KAT7: variants seen among roughly 807,000 people sequenced by gnomAD.
KAT7 encodes histone acetyltransferase KAT7.
Under a neutral mutation model 82.1 loss-of-function variants are expected in KAT7, and 10 were observed. The ratio of observed to expected loss-of-function variants is 0.12; its 90% CI spans 0.08 to 0.21. The LOEUF (loss-of-function observed/expected upper bound fraction) is 0.21. Ranked by LOEUF, KAT7 falls within the 10% of genes least tolerant of loss-of-function variation. The pLI is 1.00. For synonymous variants in KAT7, 250 were observed against 262.5 expected, an observed-to-expected ratio of 0.95 and a Z score of 0.46; for missense variants, 378 against 760.9, an observed-to-expected ratio of 0.50 and a Z score of 5.92.
At chr17:49,805,675 T>G (rs2074082824) in intron 5 of KAT7, among the ~76,000 whole-genome samples, 1 of 152,236 alleles carries the variant, frequency 6.6e-6, no homozygotes, top group South Asian at 2.1e-4. Flanking sequence ...ACAAGGAGAT[T>G]ATGAAACGTT....
At chr17:49,791,467 G>A (rs1446833871) in intron 1 of KAT7, among the ~76,000 whole-genome samples, 1 of 152,166 alleles carries the variant, frequency 6.6e-6, no homozygotes, top group East Asian at 1.9e-4. Flanking sequence ...AGACCAGCCT[G>A]GCCAACATAG....
intron 2 of KAT7, among the ~76,000 whole-genome samples, chr17:49,792,333 C>T (rs1277019651): frequency 6.6e-6 from 1 of 152,052 alleles, no homozygotes; most frequent in Non-Finnish European, 1.5e-5. Context: ...CGCAGTGTCT[C>T]CATCAGTAAA....
intron 4 of KAT7, among the ~76,000 whole-genome samples, chr17:49,802,505 T>G (rs2074037063): frequency 6.6e-6 from 1 of 151,968 alleles, no homozygotes; most frequent in African/African-American, 2.4e-5. Flanking sequence ...CCATCTCTAT[T>G]AAAAATACAA....
At chr17:49,808,264 T>C (rs779708807) in intron 5 of KAT7, among the ~76,000 whole-genome samples, 3 of 150,550 alleles carry the variant, frequency 2.0e-5, no homozygotes, top group Non-Finnish European at 3.0e-5. Context: ...GGATTACAGG[T>C]GTGCGCCACC....
intron 5 of KAT7, among the ~76,000 whole-genome samples, chr17:49,807,616 A>T (rs2074107587): frequency 6.6e-6 from 1 of 152,178 alleles, no homozygotes; most frequent in Admixed American, 6.5e-5. Context: ...ACGCTTTTGA[A>T]AACTGAAGAC....
At chr17:49,806,378 A>G (rs919596020) in intron 5 of KAT7, among the ~76,000 whole-genome samples, 2 of 152,190 alleles carry the variant, frequency 1.3e-5, no homozygotes, top group Non-Finnish European at 2.9e-5. Flanking sequence ...CCGTGCTTAT[A>G]TGGATTTTAA....
intron 9 of KAT7, among the ~76,000 whole-genome samples, chr17:49,820,747 CTTTTTTTTTT>C (rs776024422): frequency 1.0e-5 from 1 of 99,094 alleles, no homozygotes; most frequent in South Asian, 3.1e-4. Context: ...GGCTGCTTGC[CTTTTTTTTTT>C]TTTTTTTTTT....
At chr17:49,814,956 T>G (rs2074215867) in intron 7 of KAT7, 1 of 152,206 alleles carries the variant, frequency 6.6e-6, no homozygotes, top group Non-Finnish European at 1.5e-5. Context: ...TATCTCCTAT[T>G]CTCTGGATGG....
intron 4 of KAT7, among the ~76,000 whole-genome samples, chr17:49,800,121 C>T (rs553810046): frequency 6.7e-6 from 1 of 149,238 alleles, no homozygotes. Flanking sequence ...ACACCATTCT[C>T]CTGCCTCAGC....
rs771347169 is a variant in KAT7, at chr17:49,821,385, G to A, written c.1204G>A (p.Gly402Ser). The A allele has an allele frequency of 2.9e-5, 47 of 1,613,688 alleles. No homozygotes were observed. The highest frequency in any genetic ancestry group is 3.8e-5 in the Non-Finnish European group (45 of 1,179,988). Residue 402 changes from glycine (G) to serine (S), a missense_variant, in exon 10 of 15, where the codon GGT becomes AGT. By Grantham distance (56) the Gly-to-Ser change is moderately conservative. Around this residue, in one of 6 missense-constraint regions of KAT7, gnomAD observed 37 missense variants for 98.6 expected, o/e 0.38. Transcript: ENST00000259021. ...HPPGDEIYRK[G>S]SISVFEVDGK... Reference sequence around the variant, plus strand: ...ACCTGGTGATGAGATATATCGCAAAGGTTCAATCTCTGTGTTTGAAGTGGA... The same window carrying A: ...ACCTGGTGATGAGATATATCGCAAAAGTTCAATCTCTGTGTTTGAAGTGGA...
rs2074417930 is a variant in KAT7, at chr17:49,830,650, A to G, written c.*3148A>G. The stretch of plus-strand genomic sequence containing the variant: ...CTGTACCTTCATACTGCCTCATTTG[A>G]CCCTCATATTAGCCCTGTACAGTAG... On this transcript the variant is annotated 3_prime_UTR_variant, in exon 15 of 15. Coordinates refer to ENST00000259021, the MANE Select transcript of KAT7 (RefSeq NM_007067.5). 1 of 152,048 alleles carries G rather than the reference A, an allele frequency of 6.6e-6. No homozygotes were observed. The highest frequency in any genetic ancestry group is 2.4e-5 in the African/African-American group (1 of 41,380). The allele number at this position is 152,048 out of a possible 1,614,324, so 9.4% of individuals were successfully genotyped here.
At position 49,826,746 on chromosome 17, in the gene KAT7, G is replaced by T. The variant is rs1356271721; in HGVS notation, c.1681G>T (p.Ala561Ser). The T allele has an allele frequency of 1.2e-6, 2 of 1,612,516 alleles. No homozygotes were observed. The highest frequency in any genetic ancestry group is 3.3e-5 in the Admixed American group (2 of 60,018). ...NPVDIVSTLQALQMLKYWKGK... is the reference protein window; with the variant it reads ...NPVDIVSTLQSLQMLKYWKGK... ...TGTGGACATTGTCAGCACTCTGCAA[G>T]CCCTTCAGATGCTCAAATACTGGAA... is the stretch of plus-strand genomic sequence containing the variant. Residue 561 changes from alanine (A) to serine (S), a missense_variant, in exon 14 of 15, where the codon GCC becomes TCC. Transcript: ENST00000259021.
chr17:49,824,012 C>T (rs1019943618), intron 12 of KAT7, among the ~76,000 whole-genome samples: 1 of 152,124 alleles, frequency 6.6e-6, no homozygotes, highest in Non-Finnish European at 1.5e-5. Context: ...AGGTAGCTTT[C>T]TTCAGGTGAA....
chr17:49,796,362 C>T (rs1340574994), intron 2 of KAT7, among the ~76,000 whole-genome samples: 1 of 152,192 alleles, frequency 6.6e-6, no homozygotes, highest in East Asian at 1.9e-4. Flanking sequence ...ATGTTAAGTG[C>T]TTCACATGCA....
intron 6 of KAT7, among the ~76,000 whole-genome samples, chr17:49,809,853 C>T (rs2074139645): frequency 1.3e-5 from 2 of 152,130 alleles, no homozygotes; most frequent in South Asian, 4.1e-4. Context: ...TTCCCAAATT[C>T]TCTCCCACCG....
At chr17:49,806,025 G>A (rs1430304776) in intron 5 of KAT7, among the ~76,000 whole-genome samples, 6 of 152,182 alleles carry the variant, frequency 3.9e-5, no homozygotes, top group Admixed American at 6.5e-5. Flanking sequence ...CCATTTGTGC[G>A]TTCTTGTGTG....
At chr17:49,801,412 T>C (rs2074023277) in intron 4 of KAT7, among the ~76,000 whole-genome samples, 1 of 152,100 alleles carries the variant, frequency 6.6e-6, no homozygotes, top group South Asian at 2.1e-4. Context: ...TCTCAAACTC[T>C]TGGGCTCAAG....
At chr17:49,788,973 T>C (rs893589569) in intron 1 of KAT7, 124 bp downstream of exon 1, 5 of 895,068 alleles carry the variant, frequency 5.6e-6, no homozygotes, top group African/African-American at 5.3e-5. Flanking sequence ...CTTGTTCAGC[T>C]ACCCTCTCTT....
intron 6 of KAT7, 62 bp from the exon 7 acceptor site, chr17:49,811,413 CT>C (rs1253441179): frequency 1.8e-5 from 16 of 891,046 alleles, no homozygotes; most frequent in Non-Finnish European, 2.7e-5. Flanking sequence ...GGCCTTGGCA[CT>C]TTCATTTTGA....
Sources: gnomAD v4.1 joint callset for allele counts (sites outside exome capture counted in the v4.1 genomes callset) on GRCh38, gnomAD v4.1.1 for gene constraint, gnomAD v4.1.1 regional missense constraint, MANE v1.5 for transcripts, NCBI Gene and HGNC (gene_info 2026-07-23, HGNC 2026-07-21) for gene names.